The following S100A8 variants were observed in gnomAD, a reference collection of about 807,000 sequenced individuals.
The protein encoded by S100A8 is protein S100-A8.
A neutral mutation model predicts 4.2 loss-of-function variants in S100A8; 1 was observed. The observed-to-expected ratio is 0.24, with a 90% CI of 0.08 to 1.12. S100A8 has a LOEUF of 1.12. Ranked by LOEUF, S100A8 falls within the 50% of genes most tolerant of loss-of-function variation. S100A8 has a pLI of 0.53. For synonymous variants in S100A8, 41 were observed against 44.7 expected (o/e 0.92, Z 0.33); for missense variants, 96 against 111.8 (o/e 0.86, Z 0.64).
the S100A8 span, among the ~76,000 whole-genome samples, chr1:153,401,854 T>A: frequency 4.6e-5 from 7 of 152,248 alleles, no homozygotes; most frequent in Non-Finnish European, 8.8e-5. Flanking sequence ...AATCGGGTTA[T>A]ACTGATGGAA....
the S100A8 span, among the ~76,000 whole-genome samples, chr1:153,397,221 G>A: frequency 6.6e-6 from 1 of 152,238 alleles, no homozygotes; most frequent in African/African-American, 2.4e-5. Flanking sequence ...CAAGAGCAGA[G>A]TCGACCTGGC....
upstream of S100A8, among the ~76,000 whole-genome samples, chr1:153,395,462 C>T (rs373869212): frequency 6.6e-6 from 1 of 152,164 alleles, no homozygotes; most frequent in Non-Finnish European, 1.5e-5. Flanking sequence ...CCTCAGTCTG[C>T]GCCCAGGTCT....
chr1:153,395,967 T>A (rs1408227611), upstream of S100A8, among the ~76,000 whole-genome samples: 1 of 152,244 alleles, frequency 6.6e-6, no homozygotes, highest in African/African-American at 2.4e-5. Flanking sequence ...AGCGGCATGT[T>A]AGTTCACCCC....
chr1:153,390,336 G>A, intron 2 of S100A8, 59 bp downstream of exon 2: 1 of 1,604,734 alleles, frequency 6.2e-7, no homozygotes, highest in Non-Finnish European at 8.5e-7. Context: ...GAGGACCGCT[G>A]GCCCAGGGCA....
the S100A8 span, among the ~76,000 whole-genome samples, chr1:153,415,506 T>A: frequency 1.3e-5 from 2 of 152,308 alleles, no homozygotes; most frequent in East Asian, 3.9e-4. Context: ...CAGGGACTCC[T>A]GTGCCTTCCC....
the S100A8 span, among the ~76,000 whole-genome samples, chr1:153,404,789 A>G: frequency 6.6e-6 from 1 of 152,092 alleles, no homozygotes; most frequent in African/African-American, 2.4e-5. Flanking sequence ...TTTGGTGAAG[A>G]TCTCTTTTTT....
At chr1:153,391,099 T>A, upstream of S100A8, 1 of 985,756 alleles carries the variant, frequency 1.0e-6, no homozygotes, top group Non-Finnish European at 1.2e-6. Flanking sequence ...AGCTCCTTTT[T>A]ATAGCGGTTA....
the S100A8 span, among the ~76,000 whole-genome samples, chr1:153,403,992 T>C: frequency 1.3e-5 from 2 of 152,022 alleles, no homozygotes; most frequent in African/African-American, 2.4e-5. Context: ...AAATTGGAGG[T>C]TCCTACAAAC....
At chr1:153,402,012 G>T in the S100A8 span, among the ~76,000 whole-genome samples, 3 of 152,146 alleles carry the variant, frequency 2.0e-5, no homozygotes. Context: ...TGTGCTTGAA[G>T]GGGGAGCTGC....
chr1:153,411,645 T>A, the S100A8 span, among the ~76,000 whole-genome samples: 2 of 152,190 alleles, frequency 1.3e-5, no homozygotes, highest in Admixed American at 1.3e-4. Flanking sequence ...AAAATTCATA[T>A]GGAACCAAAA....
chr1:153,415,714 G>A, the S100A8 span, among the ~76,000 whole-genome samples: 6 of 146,360 alleles, frequency 4.1e-5, no homozygotes, highest in Admixed American at 1.3e-4. Flanking sequence ...TCCATGGGGC[G>A]GGGGGGGCGG....
chr1:153,394,873 T>C (rs1662179248), upstream of S100A8, among the ~76,000 whole-genome samples: 1 of 151,854 alleles, frequency 6.6e-6, no homozygotes, highest in African/African-American at 2.4e-5. Flanking sequence ...GCAGGTGGTA[T>C]ATCACCCCCC....
intron 1 of S100A8, 169 bp from the exon 2 acceptor site, chr1:153,390,726 G>A (rs1256512609): frequency 4.9e-6 from 4 of 811,838 alleles, no homozygotes; most frequent in Non-Finnish European, 7.6e-6. Context: ...GGATGATAGG[G>A]ATACACGTGT....
At chr1:153,399,826 G>A in the S100A8 span, among the ~76,000 whole-genome samples, 2 of 152,202 alleles carry the variant, frequency 1.3e-5, no homozygotes, top group African/African-American at 4.8e-5. Context: ...AAGGAGGAAA[G>A]GAGAACCAGG....
upstream of S100A8, among the ~76,000 whole-genome samples, chr1:153,393,289 C>A (rs1203117800): frequency 6.6e-6 from 1 of 152,204 alleles, no homozygotes; most frequent in Non-Finnish European, 1.5e-5. Flanking sequence ...CTCCATGCTA[C>A]CCAAATCCTT....
chr1:153,399,893 C>T, the S100A8 span, among the ~76,000 whole-genome samples: 1 of 152,182 alleles, frequency 6.6e-6, no homozygotes, highest in African/African-American at 2.4e-5. Flanking sequence ...AAGAGCGCGG[C>T]CCCCTCAGGG....
chr1:153,407,188 G>A, the S100A8 span, among the ~76,000 whole-genome samples: 5 of 152,238 alleles, frequency 3.3e-5, no homozygotes, highest in East Asian at 7.7e-4. Flanking sequence ...CACCCAGGAA[G>A]CACAAGGGGC....
chr1:153,421,884 C>T, the S100A8 span: 1 of 152,230 alleles, frequency 6.6e-6, no homozygotes, highest in Admixed American at 6.5e-5. Context: ...ACAAATACTT[C>T]TTCATCTTCT....
the S100A8 span, among the ~76,000 whole-genome samples, chr1:153,411,064 T>G: frequency 6.6e-5 from 10 of 152,284 alleles, no homozygotes; most frequent in East Asian, 1.9e-3. Context: ...CTTTGAAAAC[T>G]GGTGCAAGAC....
Sources: allele counts gnomAD v4.1 joint callset (sites outside exome capture counted in the v4.1 genomes callset), GRCh38; gene constraint gnomAD v4.1.1; transcripts MANE v1.5; gene names NCBI Gene and HGNC (gene_info 2026-07-23, HGNC 2026-07-21).